The following RIMS2 variants were observed in gnomAD, a reference collection of about 807,000 sequenced individuals.
RIMS2 encodes regulating synaptic membrane exocytosis 2.
A neutral mutation model predicts 174.4 loss-of-function variants in RIMS2; 59 were observed. The ratio of observed to expected loss-of-function variants is 0.34; its 90% CI spans 0.27 to 0.42. RIMS2 has a LOEUF of 0.42. RIMS2 is among the 10% of genes least tolerant of loss of function. The pLI is 1.00. For missense variants in RIMS2, 1,620 were observed against 1,666.3 expected (o/e 0.97, Z 0.48); for synonymous variants, 606 against 572.5 (o/e 1.06, Z -0.84).
At position 103,910,709 on chromosome 8, in the gene RIMS2, C is replaced by T. The variant is rs546612889; in HGVS notation, c.1692+508C>T. Among the ~76,000 whole-genome samples, 7 of 152,078 alleles carry T rather than the reference C, an allele frequency of 4.6e-5. No individual in the cohort carries two copies. The South Asian group carries it at 6.2e-4, about 14-fold the overall frequency. On this transcript the variant is annotated intron_variant, in intron 5 of 23. Transcript: ENST00000504942. ...AAACAAACAACAAACCAAAAAAAAC[C>T]TCTTGCTTGCTTTGCTGTTTTTATT...
intron 1 of RIMS2, among the ~76,000 whole-genome samples, chr8:103,584,515 A>T (rs961255920): frequency 6.6e-6 from 1 of 152,198 alleles, no homozygotes. Flanking sequence ...TGACACAATC[A>T]AAATAACTAC....
intron 17 of RIMS2, among the ~76,000 whole-genome samples, chr8:103,999,579 G>C (rs1254332151): frequency 6.6e-6 from 1 of 151,548 alleles, no homozygotes; most frequent in Admixed American, 6.6e-5. Context: ...ACTGTATTTT[G>C]ATAATTGGCT....
At chr8:104,103,942 C>T (rs1034511270) in intron 19 of RIMS2, among the ~76,000 whole-genome samples, 1 of 152,212 alleles carries the variant, frequency 6.6e-6, no homozygotes, top group Admixed American at 6.5e-5. Context: ...GGCTAGGTAA[C>T]ATACATGGTC....
chr8:104,191,614 T>G (rs2098998258), intron 19 of RIMS2, among the ~76,000 whole-genome samples: 1 of 152,188 alleles, frequency 6.6e-6, no homozygotes, highest in Non-Finnish European at 1.5e-5. Flanking sequence ...GAAATTATTA[T>G]CTAAGTGCAA....
chr8:103,769,605 C>A (rs898404068), intron 3 of RIMS2, among the ~76,000 whole-genome samples: 2 of 152,122 alleles, frequency 1.3e-5, no homozygotes, highest in African/African-American at 4.8e-5. Context: ...GGATTACAGG[C>A]GTGAGCCACC....
intron 1 of RIMS2, among the ~76,000 whole-genome samples, chr8:103,626,776 C>T (rs189598573): frequency 1.3e-5 from 2 of 151,980 alleles, no homozygotes; most frequent in East Asian, 1.9e-4. Context: ...ACCATGATGG[C>T]GACCTTGAGC....
At chr8:103,743,541 A>G (rs1354743464) in intron 2 of RIMS2, among the ~76,000 whole-genome samples, 2 of 134,980 alleles carry the variant, frequency 1.5e-5, no homozygotes, top group Non-Finnish European at 3.1e-5. Context: ...CCTTTTTGTC[A>G]TATCGTATAA....
Position 104,014,544 on chromosome 8 carries a change from C to G in RIMS2, c.3263C>G (p.Ser1088Ter). 6.2e-7 allele frequency: 1 copy of G among 1,612,922 alleles called. No homozygotes were observed. Among genetic ancestry groups the G allele is most frequent in the South Asian group, 1.1e-5 (1 of 91,044 alleles). The change falls in exon 19 of 24, where the codon TCA (serine) becomes TGA (stop). Residue 1088 changes from serine to a stop codon, truncating the protein, a stop_gained. Coordinates refer to ENST00000504942, the Ensembl canonical transcript of RIMS2. LOFTEE classifies it high-confidence loss of function. ...ACTGGGTCTGTCCAGACAAGCCCAT[C>G]AAGTACTCCAGTCGCAGGACGAAGG...
chr8:103,706,024 T>C (rs1385931798), intron 2 of RIMS2, among the ~76,000 whole-genome samples: 2 of 151,980 alleles, frequency 1.3e-5, no homozygotes, highest in Admixed American at 6.6e-5. Flanking sequence ...CATTTTTTTT[T>C]CCTGGTATTA....
At chr8:103,931,017 G>A (rs191313351) in intron 11 of RIMS2, among the ~76,000 whole-genome samples, 99 of 152,138 alleles carry the variant, frequency 6.5e-4, no homozygotes, top group Admixed American at 1.2e-3. Flanking sequence ...ATGTTAATAA[G>A]CAATCACATT....
intron 19 of RIMS2, 50 bp from the exon 23 acceptor site, chr8:104,068,462 C>T: frequency 1.2e-6 from 1 of 831,866 alleles, no homozygotes. Flanking sequence ...AAGTCGGACT[C>T]AGAAATAAGA....
intron 19 of RIMS2, among the ~76,000 whole-genome samples, chr8:104,152,292 TG>T (rs1443684067): frequency 2.0e-5 from 3 of 152,202 alleles, no homozygotes; most frequent in African/African-American, 7.2e-5. Flanking sequence ...GACATTATAA[TG>T]GGTACATTTT....
intron 1 of RIMS2, among the ~76,000 whole-genome samples, chr8:103,572,666 A>T (rs1563830725): frequency 6.6e-6 from 1 of 151,532 alleles, no homozygotes; most frequent in Non-Finnish European, 1.5e-5. Context: ...GATGATGAAC[A>T]TTTTTTTCAT....
chr8:104,229,910 CT>C (rs1288481201), intron 19 of RIMS2, among the ~76,000 whole-genome samples: 3 of 152,208 alleles, frequency 2.0e-5, no homozygotes, highest in Non-Finnish European at 4.4e-5. Context: ...TTATTGTGAG[CT>C]TCGTAGACAT....
intron 1 of RIMS2, among the ~76,000 whole-genome samples, chr8:103,589,817 A>G (rs1368677870): frequency 6.6e-6 from 1 of 151,548 alleles, no homozygotes; most frequent in Non-Finnish European, 1.5e-5. Flanking sequence ...TGTTAAGTAA[A>G]ATAAACAAGT....
chr8:104,156,141 TAC>T (rs2098722412), intron 19 of RIMS2, among the ~76,000 whole-genome samples: 1 of 152,210 alleles, frequency 6.6e-6, no homozygotes. Flanking sequence ...GAAAACTTAA[TAC>T]AAAAGTTCAT....
intron 19 of RIMS2, among the ~76,000 whole-genome samples, chr8:104,022,471 C>G (rs940921159): frequency 2.0e-5 from 3 of 152,194 alleles, no homozygotes; most frequent in South Asian, 4.1e-4. Context: ...CAACCTCCCC[C>G]TCCCGGCTCA....
At chr8:103,817,059 G>T (rs918667539) in intron 3 of RIMS2, among the ~76,000 whole-genome samples, 4 of 152,054 alleles carry the variant, frequency 2.6e-5, no homozygotes, top group Non-Finnish European at 4.4e-5. Flanking sequence ...CTGTGAAATT[G>T]ACTTGAAAAT....
At chr8:104,058,959 T>G (rs1035969817) in intron 19 of RIMS2, among the ~76,000 whole-genome samples, 12 of 152,240 alleles carry the variant, frequency 7.9e-5, no homozygotes, top group Non-Finnish European at 5.9e-5. Flanking sequence ...CCATGCTGTT[T>G]TGGTTACTGT....
Sources: allele counts gnomAD v4.1 joint callset (sites outside exome capture counted in the v4.1 genomes callset), GRCh38; gene constraint gnomAD v4.1.1; transcripts MANE v1.5; gene names NCBI Gene and HGNC (gene_info 2026-07-23, HGNC 2026-07-21).